PLD5: variants seen among roughly 807,000 people sequenced by gnomAD.
PLD5 encodes the protein inactive phospholipase D5.
PLD5 carries 36 observed loss-of-function variants against 61.1 expected under a neutral mutation model. That is an observed-to-expected ratio of 0.59 (90% CI 0.45 to 0.78). PLD5 has a LOEUF of 0.78. Ranked by LOEUF, PLD5 falls within the 30% of genes least tolerant of loss-of-function variation. The probability of loss-of-function intolerance (pLI) is 0.00; values close to 1 mark genes in which losing one functional copy is unlikely to be tolerated. For missense variants in PLD5, 515 were observed against 644.4 expected (o/e 0.80, Z 2.17); for synonymous variants, 243 against 242.8 (o/e 1.00, Z -0.01).
intron 5 of PLD5, among the ~76,000 whole-genome samples, chr1:242,164,565 T>A (rs570367366): frequency 6.6e-6 from 1 of 152,298 alleles, no homozygotes; most frequent in East Asian, 1.9e-4. Context: ...TGAAATGCAA[T>A]AATGTTATTT....
At chr1:242,454,836 G>A (rs1369723825) in intron 1 of PLD5, among the ~76,000 whole-genome samples, 1 of 152,124 alleles carries the variant, frequency 6.6e-6, no homozygotes, top group Non-Finnish European at 1.5e-5. Context: ...GAGCTGACCG[G>A]ATGCCCTGAA....
intron 2 of PLD5, among the ~76,000 whole-genome samples, chr1:242,326,357 G>A (rs765152550): frequency 3.9e-5 from 6 of 152,088 alleles, no homozygotes; most frequent in Non-Finnish European, 8.8e-5. Context: ...AAGGTACTGC[G>A]GCTCAAAGTT....
At chr1:242,401,923 A>G (rs1237733780) in intron 1 of PLD5, among the ~76,000 whole-genome samples, 1 of 152,258 alleles carries the variant, frequency 6.6e-6, no homozygotes, top group Non-Finnish European at 1.5e-5. Context: ...AGGGCTATTC[A>G]GTAAACATTT....
Position 242,215,780 on chromosome 1 carries a change from A to G in PLD5, c.735+4208T>C, listed in dbSNP as rs144820982. Among the ~76,000 whole-genome samples, 255 of 152,336 alleles carry G rather than the reference A, an allele frequency of 1.7e-3. 3 individuals are homozygous for G. The highest frequency in any genetic ancestry group is 5.9e-3 in the African/African-American group (245 of 41,574). ...ACAGGCCCTGGACAGAATGCTGAAGAAGACAAGTCAGAAGACTGAGCGAAT... is the reference window on the plus strand; with the variant it reads ...ACAGGCCCTGGACAGAATGCTGAAGGAGACAAGTCAGAAGACTGAGCGAAT... On this transcript the variant is annotated intron_variant, in intron 5 of 9. Transcript: ENST00000536534.
At chr1:242,398,228 A>C (rs1663716019) in intron 1 of PLD5, among the ~76,000 whole-genome samples, 1 of 152,230 alleles carries the variant, frequency 6.6e-6, no homozygotes, top group Non-Finnish European at 1.5e-5. Flanking sequence ...TTGTGAGTAC[A>C]ACCTAGACAT....
chr1:242,256,774 C>G lies in PLD5; in HGVS notation c.607+8563G>C, dbSNP rs1195320285. Among the ~76,000 whole-genome samples the G allele has an allele frequency of 5.3e-5, 8 of 149,668 alleles. No individual in the cohort carries two copies. ...TCTATCTATCTATCTATCTATCTAT[C>G]TATCTATCTATCTATCTATCTATTA... On this transcript the variant is annotated intron_variant, in intron 4 of 9. Transcript: ENST00000536534. The surrounding 1 kb of genome is among the most constrained non-coding windows in gnomAD (Gnocchi z 5.7).
chr1:242,387,853 A>T (rs553686392), intron 1 of PLD5, among the ~76,000 whole-genome samples: 1 of 152,260 alleles, frequency 6.6e-6, no homozygotes, highest in East Asian at 1.9e-4. Flanking sequence ...CGTTCATTAT[A>T]AAGGAAAACT....
At chr1:242,348,780 C>T (rs540380304) in intron 1 of PLD5, among the ~76,000 whole-genome samples, 47 of 152,196 alleles carry the variant, frequency 3.1e-4, no homozygotes, top group South Asian at 8.3e-4. Context: ...ATAGGCCGGG[C>T]GCGGTGGCTC....
At chr1:242,217,654 A>G (rs1039432484) in intron 5 of PLD5, among the ~76,000 whole-genome samples, 4 of 152,146 alleles carry the variant, frequency 2.6e-5, no homozygotes, top group African/African-American at 9.7e-5. Context: ...TTTACGGGAG[A>G]AGGTCAACAT....
At chr1:242,090,970 C>A (rs372165555) in intron 9 of PLD5, among the ~76,000 whole-genome samples, 1 of 151,958 alleles carries the variant, frequency 6.6e-6, no homozygotes, top group East Asian at 1.9e-4. Flanking sequence ...TCAGGCTGGT[C>A]TTGAACTCCT....
intron 3 of PLD5, among the ~76,000 whole-genome samples, chr1:242,285,457 C>A (rs1213008012): frequency 2.6e-5 from 4 of 152,122 alleles, no homozygotes; most frequent in Non-Finnish European, 4.4e-5. Flanking sequence ...AAGATCACAC[C>A]ACCACACTTT....
intron 5 of PLD5, among the ~76,000 whole-genome samples, chr1:242,160,660 G>A (rs935488457): frequency 1.3e-5 from 2 of 152,140 alleles, no homozygotes; most frequent in African/African-American, 4.8e-5. Context: ...CCTGAGGCAG[G>A]TGGATCATGA....
At chr1:242,124,782 G>A in intron 5 of PLD5, 117 bp from the exon 6 acceptor site, 1 of 793,856 alleles carries the variant, frequency 1.3e-6, no homozygotes, top group South Asian at 1.8e-5. Context: ...TGCATTTGAA[G>A]TAAGTAGATA....
intron 1 of PLD5, among the ~76,000 whole-genome samples, chr1:242,390,424 C>G (rs1457434684): frequency 6.6e-6 from 1 of 152,146 alleles, no homozygotes; most frequent in Non-Finnish European, 1.5e-5. Context: ...TTTTTTAACT[C>G]TCACACAGTT....
chr1:242,400,190 A>G (rs1663843785), intron 1 of PLD5, among the ~76,000 whole-genome samples: 1 of 46,688 alleles, frequency 2.1e-5, no homozygotes, highest in Non-Finnish European at 4.1e-5. Context: ...AAAGAAAAGA[A>G]AAAAAAAAAA....
At chr1:242,197,435 G>A (rs1668702934) in intron 5 of PLD5, among the ~76,000 whole-genome samples, 1 of 152,080 alleles carries the variant, frequency 6.6e-6, no homozygotes, top group African/African-American at 2.4e-5. Context: ...ACTCATAGTT[G>A]GCATTGTATG....
At chr1:242,462,207 T>A (rs4658815) in intron 1 of PLD5, among the ~76,000 whole-genome samples, 15,071 of 152,244 alleles carry the variant, frequency 0.099, 1,029 homozygotes, top group African/African-American at 0.19. Context: ...ACAGCACTAT[T>A]CACAATAGCA....
intron 1 of PLD5, among the ~76,000 whole-genome samples, chr1:242,443,012 C>T (rs570512371): frequency 2.0e-5 from 3 of 152,236 alleles, no homozygotes; most frequent in Admixed American, 6.5e-5. Context: ...ATATAGCCTG[C>T]CCTTGCTATG....
rs1484062694 is a variant in PLD5 at position 242,480,491 on chromosome 1, G to T, written c.189+43597C>A. ...AAACAACAATAACCATTAAAAAAAA[G>T]AAATGATAAATCAGATGTCATCAAA... is the stretch of plus-strand genomic sequence containing the variant. On this transcript the variant is annotated intron_variant, in intron 1 of 9. Coordinates refer to ENST00000536534, the MANE Select transcript of PLD5 (RefSeq NM_001372062.1). 4.6e-5 allele frequency among the ~76,000 whole-genome samples: 7 copies of T among 151,866 alleles called. No homozygotes were observed. In the East Asian group the frequency reaches 1.4e-3, roughly 29 times the overall value.
Sources: allele counts gnomAD v4.1 joint callset (sites outside exome capture counted in the v4.1 genomes callset), GRCh38; gene constraint gnomAD v4.1.1; non-coding constraint Gnocchi (gnomAD v3.1); transcripts MANE v1.5; gene names NCBI Gene and HGNC (gene_info 2026-07-23, HGNC 2026-07-21).